Variants in KANSL1 observed in about 807,000 individuals in gnomAD.
The protein encoded by KANSL1 is MLL1/MLL complex subunit KANSL1.
KANSL1 carries 22 observed loss-of-function variants against 103.6 expected under a neutral mutation model. The ratio of observed to expected loss-of-function variants is 0.21; its 90% CI spans 0.15 to 0.30. The LOEUF (loss-of-function observed/expected upper bound fraction) is 0.30, where lower values mean the gene tolerates loss of function less well. Among genes scored for constraint, KANSL1 ranks in the 10% least tolerant of loss-of-function variants. The pLI is 1.00. For missense variants in KANSL1, 1,337 were observed against 1,399.8 expected, an observed-to-expected ratio of 0.96 and a Z score of 0.72; for synonymous variants, 600 against 527.6, an observed-to-expected ratio of 1.14 and a Z score of -1.88.
At chr17:46,067,507 ACAAGT>A (rs765501954) in intron 5 of KANSL1, 37 bp downstream of exon 5, 1 of 1,211,174 alleles carries the variant, frequency 8.3e-7, no homozygotes, top group Non-Finnish European at 1.2e-6. Context: ...AAACACCTTT[ACAAGT>A]CTACTAAGTG....
At chr17:46,033,577 C>T (rs949208476) in intron 11 of KANSL1, 117 bp from the exon 12 acceptor site, 18 of 822,134 alleles carry the variant, frequency 2.2e-5, no homozygotes, top group Admixed American at 7.9e-5. Flanking sequence ...TGCTCTCTGC[C>T]GGGTAGGCTC....
intron 2 of KANSL1, among the ~76,000 whole-genome samples, chr17:46,131,186 T>A (rs2043845670): frequency 6.6e-6 from 1 of 152,212 alleles, no homozygotes; most frequent in African/African-American, 2.4e-5. Flanking sequence ...TTTGCCTGGT[T>A]TTTACATTTA....
At chr17:46,051,002 A>G (rs1407845341) in intron 6 of KANSL1, among the ~76,000 whole-genome samples, 2 of 152,230 alleles carry the variant, frequency 1.3e-5, no homozygotes, top group African/African-American at 4.8e-5. Context: ...ACAGTTTAAA[A>G]AGATACTAAA....
At chr17:46,074,908 A>C (rs2078705538) in intron 4 of KANSL1, among the ~76,000 whole-genome samples, 1 of 152,198 alleles carries the variant, frequency 6.6e-6, no homozygotes, top group African/African-American at 2.4e-5. Flanking sequence ...CACTATTAGA[A>C]AGACAAGTCA....
chr17:46,038,655 C>T lies in KANSL1; in HGVS notation c.2424G>A (p.Ser808=), dbSNP rs570967215. The T allele has an allele frequency of 5.5e-5, 88 of 1,614,084 alleles. No homozygotes were observed. Among genetic ancestry groups the T allele is most frequent in the Non-Finnish European group, 7.1e-5 (84 of 1,180,024 alleles). The change falls in exon 10 of 15, where the codon TCG becomes TCA. Residue 808 remains serine, a synonymous_variant. Coordinates refer to ENST00000432791, the MANE Select transcript of KANSL1 (RefSeq NM_015443.4). The part of the protein sequence containing the change: ...VLKHHTDMSS[S]SYLAATHHPP... ...GATGGTGGGTGGCTGCCAAGTAGCT[C>T]GAACTGCTCATGTCTGTGTGATGCT...
intron 1 of KANSL1, among the ~76,000 whole-genome samples, chr17:46,215,574 G>A (rs2048315032): frequency 1.3e-5 from 2 of 152,198 alleles, no homozygotes; most frequent in Admixed American, 1.3e-4. Flanking sequence ...GGATGACTAG[G>A]AAAATATTAT....
chr17:46,095,023 A>ATGTATACATTAT (rs1366670663), intron 2 of KANSL1, among the ~76,000 whole-genome samples: 6 of 152,364 alleles, frequency 3.9e-5, no homozygotes, highest in African/African-American at 1.4e-4. Flanking sequence ...ATTAAGAATA[A>ATGTATACATTAT]TCTATACAGG....
At chr17:46,132,764 T>C (rs987415314) in intron 2 of KANSL1, among the ~76,000 whole-genome samples, 41 of 152,290 alleles carry the variant, frequency 2.7e-4, no homozygotes, top group Admixed American at 7.8e-4. Flanking sequence ...GTAATATAGT[T>C]AGACCCTGTC....
intron 2 of KANSL1, among the ~76,000 whole-genome samples, chr17:46,157,814 A>G (rs1413049426): frequency 6.6e-6 from 1 of 152,266 alleles, no homozygotes; most frequent in Non-Finnish European, 1.5e-5. Flanking sequence ...TCTTACAAAG[A>G]AAAGACTGGC....
intron 2 of KANSL1, among the ~76,000 whole-genome samples, chr17:46,149,611 T>G (rs555816665): frequency 6.6e-5 from 10 of 152,388 alleles, no homozygotes; most frequent in Non-Finnish European, 1.5e-4. Context: ...TGCCTTAGAC[T>G]GCATTTGGCA....
chr17:46,066,107 C>T (rs1405475590), intron 6 of KANSL1, among the ~76,000 whole-genome samples: 2 of 152,212 alleles, frequency 1.3e-5, no homozygotes, highest in African/African-American at 4.8e-5. Context: ...ATCCTCCCGC[C>T]TTGGCCTCCC....
At chr17:46,194,744 A>C (rs2147950765), upstream of KANSL1, among the ~76,000 whole-genome samples, 1 of 152,352 alleles carries the variant, frequency 6.6e-6, no homozygotes, top group Admixed American at 6.5e-5. Flanking sequence ...AATGCTTCAC[A>C]CTTTTTTGTG....
chr17:46,079,518 T>C (rs1037888637), intron 4 of KANSL1, among the ~76,000 whole-genome samples: 3 of 152,242 alleles, frequency 2.0e-5, no homozygotes, highest in Non-Finnish European at 2.9e-5. Context: ...TTGAAAACAA[T>C]GTCCAAAGTT....
At chr17:46,110,535 A>G (rs2042758773) in intron 2 of KANSL1, among the ~76,000 whole-genome samples, 1 of 152,238 alleles carries the variant, frequency 6.6e-6, no homozygotes, top group Non-Finnish European at 1.5e-5. Context: ...GCTCTGGGCC[A>G]GAGTTTTTGT....
At chr17:46,096,311 CTTTTTTTTTTT>C (rs71138525) in intron 2 of KANSL1, among the ~76,000 whole-genome samples, 2 of 76,408 alleles carry the variant, frequency 2.6e-5, no homozygotes, top group Non-Finnish European at 4.9e-5. Context: ...GCTTTTTTTT[CTTTTTTTTTTT>C]TTTTTTTTTT....
chr17:46,104,530 T>C (rs2042448877), intron 2 of KANSL1, among the ~76,000 whole-genome samples: 1 of 152,246 alleles, frequency 6.6e-6, no homozygotes, highest in Non-Finnish European at 1.5e-5. Flanking sequence ...GGAACTACCA[T>C]GTGTTTTAAC....
intron 2 of KANSL1, among the ~76,000 whole-genome samples, chr17:46,141,918 C>T (rs2044441718): frequency 6.6e-6 from 1 of 152,182 alleles, no homozygotes. Context: ...AGACAAGTCT[C>T]ACTCTGCGTG....
upstream of KANSL1, chr17:46,193,492 C>CCGGCTG (rs1448687029): frequency 4.0e-5 from 6 of 149,682 alleles, no homozygotes; most frequent in South Asian, 2.1e-4. Flanking sequence ...AGCGCCTCCG[C>CCGGCTG]CGGCTGCGGC....
intron 1 of KANSL1, among the ~76,000 whole-genome samples, chr17:46,207,334 A>AC (rs1280957077): frequency 1.3e-5 from 2 of 152,034 alleles, no homozygotes; most frequent in African/African-American, 2.4e-5. Context: ...AGATGGTGAA[A>AC]CCCCATCTCT....
Sources: allele counts gnomAD v4.1 joint callset (sites outside exome capture counted in the v4.1 genomes callset), GRCh38; gene constraint gnomAD v4.1.1; transcripts MANE v1.5; gene names NCBI Gene and HGNC (gene_info 2026-07-23, HGNC 2026-07-21).